CYP4Z1: variants seen among roughly 807,000 people sequenced by gnomAD.
CYP4Z1 encodes cytochrome P450 family 4 subfamily Z member 1.
Under a neutral mutation model 54.2 loss-of-function variants are expected in CYP4Z1, and 41 were observed. The ratio of observed to expected loss-of-function variants is 0.76; its 90% CI spans 0.59 to 0.98. The LOEUF (loss-of-function observed/expected upper bound fraction) is 0.98. Ranked by LOEUF, CYP4Z1 falls within the 50% of genes least tolerant of loss-of-function variation. CYP4Z1 has a pLI of 0.00. For missense variants in CYP4Z1, 513 were observed against 599.0 expected, an observed-to-expected ratio of 0.86 and a Z score of 1.50; for synonymous variants, 163 against 206.2, an observed-to-expected ratio of 0.79 and a Z score of 1.79.
the CYP4Z1 span, among the ~76,000 whole-genome samples, chr1:47,059,803 A>G: frequency 5.3e-5 from 8 of 152,230 alleles, no homozygotes; most frequent in Non-Finnish European, 1.2e-4. Context: ...ATGGTCCCCT[A>G]TGGGGCACTT....
the CYP4Z1 span, among the ~76,000 whole-genome samples, chr1:47,056,671 G>A: frequency 6.6e-6 from 1 of 152,286 alleles, no homozygotes; most frequent in East Asian, 1.9e-4. Flanking sequence ...TTACCATTAT[G>A]TAATGGCCTT....
chr1:47,096,261 T>C (rs540422136), intron 7 of CYP4Z1, among the ~76,000 whole-genome samples: 3 of 152,012 alleles, frequency 2.0e-5, no homozygotes, highest in Non-Finnish European at 2.9e-5. Context: ...CTATAAAAAA[T>C]TTAAAAATTA....
intron 6 of CYP4Z1, among the ~76,000 whole-genome samples, chr1:47,092,160 G>A (rs1190869975): frequency 6.6e-6 from 1 of 151,866 alleles, no homozygotes; most frequent in Non-Finnish European, 1.5e-5. Flanking sequence ...GGTCACGCTG[G>A]CTTTGTCTTG....
the CYP4Z1 span, among the ~76,000 whole-genome samples, chr1:47,059,752 A>T: frequency 6.6e-6 from 1 of 152,210 alleles, no homozygotes; most frequent in Non-Finnish European, 1.5e-5. Context: ...GTAGCAAAGA[A>T]GGCTGGGCTG....
chr1:47,096,328 G>A (rs1008056776), intron 7 of CYP4Z1, among the ~76,000 whole-genome samples: 9 of 152,068 alleles, frequency 5.9e-5, no homozygotes, highest in African/African-American at 1.7e-4. Flanking sequence ...GAGGTGGGAG[G>A]ATCACTTGAA....
intron 6 of CYP4Z1, among the ~76,000 whole-genome samples, chr1:47,092,528 A>G (rs1176391153): frequency 6.6e-6 from 1 of 151,358 alleles, no homozygotes; most frequent in Non-Finnish European, 1.5e-5. Flanking sequence ...CTGGTTTTCC[A>G]TAGGCCTTCT....
the CYP4Z1 span, among the ~76,000 whole-genome samples, chr1:47,056,083 T>C: frequency 6.6e-6 from 1 of 152,228 alleles, no homozygotes; most frequent in African/African-American, 2.4e-5. Flanking sequence ...CTCTACACAC[T>C]GCTTTGAATG....
rs1557620287 is a variant in CYP4Z1, at chr1:47,069,197, GT to G, written c.319+436del. 2.0e-5 allele frequency among the ~76,000 whole-genome samples: 3 copies of G among 152,388 alleles called. No homozygotes were observed. The East Asian group carries it at 5.8e-4, about 29-fold the overall frequency. On this transcript the variant is annotated intron_variant, in intron 2 of 11. Transcript: ENST00000334194. ...GTCCTCTGGGAATGGCCAGTGCCAG[GT>G]TGGAGGCTCTGGCAAGTGGACACCA...
chr1:47,094,881 G>A (rs570957145), intron 7 of CYP4Z1, among the ~76,000 whole-genome samples: 1 of 152,172 alleles, frequency 6.6e-6, no homozygotes, highest in Non-Finnish European at 1.5e-5. Flanking sequence ...GGTGGTGCAT[G>A]CTTGTAGTCC....
chr1:47,108,954 G>T (rs191633221), intron 9 of CYP4Z1, among the ~76,000 whole-genome samples: 1 of 152,156 alleles, frequency 6.6e-6, no homozygotes, highest in African/African-American at 2.4e-5. Flanking sequence ...CATGGTCTCA[G>T]TTATTGCCTT....
At chr1:47,117,299 A>C (rs752895957) in intron 11 of CYP4Z1, among the ~76,000 whole-genome samples, 4 of 152,196 alleles carry the variant, frequency 2.6e-5, no homozygotes, top group Non-Finnish European at 5.9e-5. Context: ...TTGCAGAATC[A>C]AATGTTGATA....
At position 47,076,844 on chromosome 1, in the gene CYP4Z1, C is replaced by CA. The variant is rs59854360; in HGVS notation, c.320-3761dup. 4.2e-4 allele frequency among the ~76,000 whole-genome samples: 34 copies of CA among 81,412 alleles called. 6 individuals carry two copies. The East Asian group carries it at 5.2e-3, about 12-fold the overall frequency. 53.4% of individuals were successfully genotyped at this position (81,412 alleles called of 152,430 possible). Reference sequence around the variant, plus strand: ...TGGGCGACAGAGCCAGACGCTGTCTCAAAAAAAAAAAAAAAAAAGAATGTC... The same window carrying CA: ...TGGGCGACAGAGCCAGACGCTGTCTCAAAAAAAAAAAAAAAAAAAGAATGTC... On this transcript the variant is annotated intron_variant, in intron 2 of 11. Transcript: ENST00000334194.
intron 9 of CYP4Z1, among the ~76,000 whole-genome samples, chr1:47,109,586 G>A (rs1417196773): frequency 1.3e-5 from 2 of 152,192 alleles, no homozygotes; most frequent in Non-Finnish European, 2.9e-5. Flanking sequence ...CTGACAGATT[G>A]TGACTCAAAT....
chr1:47,096,626 CTT>C (rs1557629558), intron 7 of CYP4Z1: 4 of 131,656 alleles, frequency 3.0e-5, no homozygotes, highest in African/African-American at 1.2e-4. Flanking sequence ...TTCATTTGCT[CTT>C]CTTTTTTTTT....
upstream of CYP4Z1, among the ~76,000 whole-genome samples, chr1:47,064,057 A>G (rs971194915): frequency 2.6e-5 from 4 of 151,356 alleles, no homozygotes; most frequent in Non-Finnish European, 5.9e-5. Context: ...CAGAAACCCT[A>G]CAAGTTAGAA....
chr1:47,115,500 C>T, intron 9 of CYP4Z1, 29 bp from the exon 10 acceptor site: 1 of 1,601,070 alleles, frequency 6.2e-7, no homozygotes, highest in Non-Finnish European at 8.5e-7. Context: ...CGCTCATGCA[C>T]TTACCTGCTT....
Position 47,068,694 on chromosome 1 carries a change from G to A in CYP4Z1, c.250G>A (p.Val84Ile). 2 of 1,614,140 alleles carry A rather than the reference G, an allele frequency of 1.2e-6. No homozygotes were observed. The highest frequency in any genetic ancestry group is 1.7e-6 in the Non-Finnish European group (2 of 1,180,012). The part of the protein sequence containing the change: ...EKYPCAVPLW[V>I]GPFTMFFSVH... ...ATACCCATGTGCTGTTCCCTTGTGG[G>A]TTGGACCCTTTACGATGTTCTTCAG... Residue 84 changes from valine (V) to isoleucine (I), a missense_variant, in exon 2 of 12, where the codon GTT becomes ATT. Val to Ile is a conservative substitution (Grantham distance 29). Transcript: ENST00000334194.
chr1:47,108,459 A>G (rs200719592), intron 9 of CYP4Z1, among the ~76,000 whole-genome samples: 4 of 152,214 alleles, frequency 2.6e-5, no homozygotes, highest in South Asian at 4.1e-4. Flanking sequence ...GATGCCTCAT[A>G]TCCGCCAGAC....
intron 8 of CYP4Z1, among the ~76,000 whole-genome samples, chr1:47,103,657 C>T (rs1464771413): frequency 2.1e-5 from 3 of 143,114 alleles, no homozygotes; most frequent in Non-Finnish European, 3.0e-5. Flanking sequence ...TGCAATGGCA[C>T]GATCTTGGCT....
Sources: allele counts gnomAD v4.1 joint callset (sites outside exome capture counted in the v4.1 genomes callset), GRCh38; gene constraint gnomAD v4.1.1; transcripts MANE v1.5; gene names NCBI Gene and HGNC (gene_info 2026-07-23, HGNC 2026-07-21).